The following CTNNA2 variants were observed in gnomAD, a reference collection of about 807,000 sequenced individuals.
CTNNA2 encodes catenin alpha-2.
A neutral mutation model predicts 101.0 loss-of-function variants in CTNNA2; 42 were observed. The ratio of observed to expected loss-of-function variants is 0.42; its 90% CI spans 0.32 to 0.54. The LOEUF is 0.54. Ranked by LOEUF, CTNNA2 falls within the 20% of genes least tolerant of loss-of-function variation. CTNNA2 has a pLI of 0.14. For synonymous variants in CTNNA2, 450 were observed against 456.4 expected (o/e 0.99, Z 0.18); for missense variants, 871 against 1,223.1 (o/e 0.71, Z 4.29).
intron 16 of CTNNA2, chr2:80,605,306 C>T (rs1026792281): frequency 2.0e-5 from 3 of 151,868 alleles, no homozygotes; most frequent in African/African-American, 7.3e-5. Flanking sequence ...TAACAGTTAT[C>T]CCTATAAGCA....
At chr2:80,250,110 A>G (rs1270077028) in intron 7 of CTNNA2, among the ~76,000 whole-genome samples, 1 of 151,920 alleles carries the variant, frequency 6.6e-6, no homozygotes, top group Non-Finnish European at 1.5e-5. Context: ...TTGAAGCTCA[A>G]AGCACTTTTT....
At chr2:80,372,895 A>G (rs970315296) in intron 7 of CTNNA2, among the ~76,000 whole-genome samples, 3 of 152,194 alleles carry the variant, frequency 2.0e-5, no homozygotes, top group Non-Finnish European at 2.9e-5. Flanking sequence ...TGGGGGAAAA[A>G]TACACTGGAA....
At chr2:79,467,601 G>GA in intron 4 of CTNNA2, among the ~76,000 whole-genome samples, 1 of 152,256 alleles carries the variant, frequency 6.6e-6, no homozygotes, top group Admixed American at 6.5e-5. Flanking sequence ...TGAAATGAAG[G>GA]AAAAAATGTT....
intron 7 of CTNNA2, among the ~76,000 whole-genome samples, chr2:80,037,922 G>A (rs1173929638): frequency 1.3e-5 from 2 of 152,172 alleles, no homozygotes. Context: ...GGCTTAGAAT[G>A]ATGTGTGAAA....
At chr2:80,377,916 T>TTGAC (rs1319861148) in intron 7 of CTNNA2, among the ~76,000 whole-genome samples, 3 of 152,212 alleles carry the variant, frequency 2.0e-5, no homozygotes. Flanking sequence ...TTAACATTCT[T>TTGAC]TGACTCCCAA....
At chr2:80,091,839 C>T (rs1357363677) in intron 7 of CTNNA2, among the ~76,000 whole-genome samples, 1 of 152,118 alleles carries the variant, frequency 6.6e-6, no homozygotes, top group Admixed American at 6.6e-5. Context: ...CTGGACAAGA[C>T]AGGAGCATTT....
At chr2:80,566,290 C>G (rs143268150) in intron 12 of CTNNA2, among the ~76,000 whole-genome samples, 3 of 151,938 alleles carry the variant, frequency 2.0e-5, no homozygotes, top group African/African-American at 7.3e-5. Flanking sequence ...GAAGTGGCAT[C>G]CCATCTTTTT....
intron 11 of CTNNA2, among the ~76,000 whole-genome samples, chr2:80,549,494 T>G (rs2149642356): frequency 1.3e-5 from 2 of 152,332 alleles, no homozygotes; most frequent in East Asian, 1.9e-4. Flanking sequence ...TCTAAAATAG[T>G]AATGTTGCCA....
chr2:80,584,270 A>C (rs1054157718), intron 14 of CTNNA2, among the ~76,000 whole-genome samples: 1 of 152,152 alleles, frequency 6.6e-6, no homozygotes, highest in African/African-American at 2.4e-5. Flanking sequence ...CCCTTTCTAA[A>C]AATGGTAAAT....
At chr2:79,778,037 A>C (rs963535450) in intron 3 of CTNNA2, among the ~76,000 whole-genome samples, 1 of 152,066 alleles carries the variant, frequency 6.6e-6, no homozygotes, top group Non-Finnish European at 1.5e-5. Context: ...AACAGGAAGG[A>C]TGGAAAGAGG....
intron 2 of CTNNA2, among the ~76,000 whole-genome samples, chr2:79,718,849 G>A (rs879132233): frequency 6.6e-6 from 1 of 150,678 alleles, no homozygotes; most frequent in African/African-American, 2.4e-5. Context: ...TGGTGGTGGT[G>A]GTGATTGTTG....
intron 2 of CTNNA2, among the ~76,000 whole-genome samples, chr2:79,205,463 G>A (rs1558572834): frequency 6.6e-6 from 1 of 152,162 alleles, no homozygotes; most frequent in Non-Finnish European, 1.5e-5. Context: ...GCCCCTTTGA[G>A]AGGCAATGAA....
At chr2:80,572,412 A>G (rs1694679459) in intron 12 of CTNNA2, among the ~76,000 whole-genome samples, 1 of 152,156 alleles carries the variant, frequency 6.6e-6, no homozygotes, top group South Asian at 2.1e-4. Context: ...AGTTATATCC[A>G]TAGGGATAAA....
intron 18 of CTNNA2, among the ~76,000 whole-genome samples, chr2:80,637,509 G>A (rs1352000054): frequency 2.6e-5 from 4 of 152,084 alleles, no homozygotes; most frequent in Non-Finnish European, 4.4e-5. Context: ...GAAAGAGGTG[G>A]GGAAGAGGTG....
chr2:80,624,131 C>T (rs765486677), intron 18 of CTNNA2, among the ~76,000 whole-genome samples: 1 of 151,858 alleles, frequency 6.6e-6, no homozygotes, highest in South Asian at 2.1e-4. Context: ...TCTACATCTT[C>T]CAAGTTGTGC....
chr2:80,547,854 T>G (rs894803820), intron 11 of CTNNA2, among the ~76,000 whole-genome samples: 1 of 151,896 alleles, frequency 6.6e-6, no homozygotes, highest in Admixed American at 6.6e-5. Flanking sequence ...TATGCCCGGC[T>G]AATTTTGTAT....
intron 3 of CTNNA2, among the ~76,000 whole-genome samples, chr2:79,786,314 T>G (rs1674843840): frequency 6.6e-6 from 1 of 152,082 alleles, no homozygotes; most frequent in Non-Finnish European, 1.5e-5. Context: ...AATTTTTGAC[T>G]CAAAATGCAG....
chr2:80,043,772 GGAAGA>G (rs1558756329), intron 7 of CTNNA2, among the ~76,000 whole-genome samples: 12 of 152,180 alleles, frequency 7.9e-5, no homozygotes. Context: ...TAACACTGGT[GGAAGA>G]GAAGGTCAAA....
At chr2:79,757,144 A>C (rs113759583) in intron 3 of CTNNA2, among the ~76,000 whole-genome samples, 206 of 152,344 alleles carry the variant, frequency 1.4e-3, no homozygotes, top group African/African-American at 4.0e-3. Context: ...AACTTAGAAT[A>C]ATTTTAGACT....
Sources: allele counts gnomAD v4.1 joint callset (sites outside exome capture counted in the v4.1 genomes callset), GRCh38; gene constraint gnomAD v4.1.1; transcripts MANE v1.5; gene names NCBI Gene and HGNC (gene_info 2026-07-23, HGNC 2026-07-21).